The following INTS13 variants were observed in gnomAD, a reference collection of about 807,000 sequenced individuals.
The protein encoded by INTS13 is integrator complex subunit 13, also known as asunder, spermatogenesis regulator homolog (Drosphila).
A neutral mutation model predicts 90.2 loss-of-function variants in INTS13; 35 were observed. That is an observed-to-expected ratio of 0.39 (90% CI 0.30 to 0.51). The LOEUF (loss-of-function observed/expected upper bound fraction) is 0.51. INTS13 is among the 20% of genes least tolerant of loss of function. The pLI is 0.80. For missense variants in INTS13, 601 were observed against 851.2 expected (o/e 0.71, Z 3.66); for synonymous variants, 309 against 277.1 (o/e 1.11, Z -1.14).
At chr12:26,912,880 C>A (rs553189435) in intron 14 of INTS13, among the ~76,000 whole-genome samples, 2 of 152,054 alleles carry the variant, frequency 1.3e-5, no homozygotes, top group East Asian at 1.9e-4. Context: ...GGCATGCACC[C>A]CCATACCCAG....
chr12:26,925,519 T>C (rs941396039), intron 6 of INTS13, among the ~76,000 whole-genome samples: 1 of 152,130 alleles, frequency 6.6e-6, no homozygotes, highest in African/African-American at 2.4e-5. Context: ...TATGTATGGT[T>C]TGTAACACAT....
chr12:26,910,723 T>C (rs1951746143), intron 15 of INTS13, among the ~76,000 whole-genome samples: 1 of 152,192 alleles, frequency 6.6e-6, no homozygotes, highest in Non-Finnish European at 1.5e-5. Flanking sequence ...AAGACTGGAC[T>C]AATACAGGTT....
intron 5 of INTS13, among the ~76,000 whole-genome samples, chr12:26,927,911 C>A (rs79210067): frequency 0.01 from 1,566 of 152,218 alleles, 19 homozygotes; most frequent in African/African-American, 0.036. Context: ...CCACTACACC[C>A]AACACATTTT....
At chr12:26,928,988 A>G (rs1938040876) in intron 3 of INTS13, 83 bp from the exon 4 acceptor site, 8 of 1,219,892 alleles carry the variant, frequency 6.6e-6, no homozygotes, top group Non-Finnish European at 9.3e-6. Flanking sequence ...ACTACACACC[A>G]ATGTATCTTA....
At chr12:26,914,331 T>C in intron 12 of INTS13, 77 bp downstream of exon 12, 6 of 1,393,766 alleles carry the variant, frequency 4.3e-6, no homozygotes, top group Non-Finnish European at 5.8e-6. Flanking sequence ...ATGGTATAAA[T>C]TACAAATTGT....
intron 14 of INTS13, among the ~76,000 whole-genome samples, chr12:26,912,852 T>C (rs1008364597): frequency 3.9e-5 from 6 of 151,930 alleles, no homozygotes; most frequent in Non-Finnish European, 8.8e-5. Context: ...CTCAGCCCCT[T>C]GAGTAGCTGA....
At chr12:26,928,631 T>C in intron 4 of INTS13, 72 bp downstream of exon 4, 1 of 1,450,120 alleles carries the variant, frequency 6.9e-7, no homozygotes, top group Non-Finnish European at 9.6e-7. Flanking sequence ...ATGCTGTCTC[T>C]ACTATTCTGA....
chr12:26,908,569 A>C (rs1298806405), intron 15 of INTS13, among the ~76,000 whole-genome samples: 1 of 151,836 alleles, frequency 6.6e-6, no homozygotes, highest in Non-Finnish European at 1.5e-5. Flanking sequence ...TCATACAAAG[A>C]GAGTTGAATA....
At chr12:26,916,509 C>A (rs1275183541) in intron 10 of INTS13, among the ~76,000 whole-genome samples, 1 of 152,180 alleles carries the variant, frequency 6.6e-6, no homozygotes, top group African/African-American at 2.4e-5. Context: ...AGTGAGACAA[C>A]TGCTCCATAA....
intron 14 of INTS13, 41 bp downstream of exon 14, chr12:26,913,416 A>G (rs1435892585): frequency 6.7e-7 from 1 of 1,482,492 alleles, no homozygotes; most frequent in Non-Finnish European, 9.4e-7. Context: ...ATGTGATATA[A>G]CAAAAGGCAC....
chr12:26,919,031 T>C (rs890373578), intron 8 of INTS13: 7 of 399,592 alleles, frequency 1.8e-5, no homozygotes, highest in Non-Finnish European at 2.6e-5. Flanking sequence ...CCAGGCTTCG[T>C]GGTATGCACC....
intron 10 of INTS13, 68 bp from the exon 11 acceptor site, chr12:26,916,248 TTA>T: frequency 7.5e-7 from 1 of 1,339,850 alleles, no homozygotes; most frequent in Non-Finnish European, 1.0e-6. Context: ...TCCTTGAGAT[TTA>T]TGTCTAGATT....
At chr12:26,920,883 A>G (rs1169795084) in intron 8 of INTS13, among the ~76,000 whole-genome samples, 2 of 152,180 alleles carry the variant, frequency 1.3e-5, no homozygotes, top group African/African-American at 2.4e-5. Context: ...TTCCTCAGAC[A>G]TGTAACAAAT....
chr12:26,915,911 C>T (rs1218376506), intron 11 of INTS13, 91 bp downstream of exon 11: 3 of 915,008 alleles, frequency 3.3e-6, no homozygotes, highest in East Asian at 2.7e-5. Flanking sequence ...TCTTTTTTTC[C>T]ACAGACCTTA....
In INTS13 at chr12:26,934,723, T is replaced by A. The variant is rs145389224; in HGVS notation, c.226-93A>T. The A allele has an allele frequency of 4.4e-6, 4 of 909,552 alleles. No individual in the cohort carries two copies. In the Admixed American group the frequency reaches 7.4e-5, roughly 17 times the overall value. The allele number at this position is 909,552 out of a possible 1,614,324, so 56.3% of individuals were successfully genotyped here. A position where few individuals can be genotyped will look rare whatever the true frequency, so the allele number is the denominator to read the frequency against. On this transcript the variant is annotated intron_variant, in intron 2 of 16. Coordinates refer to ENST00000261191, the MANE Select transcript of INTS13 (RefSeq NM_018164.3). Reference sequence around the variant, plus strand: ...GTAATATGCAATTTGTAACACTGTTTCACTGATTCATTCATTCTTCTTTTT... The same window carrying A: ...GTAATATGCAATTTGTAACACTGTTACACTGATTCATTCATTCTTCTTTTT...
At chr12:26,910,999 C>T (rs1951758012) in intron 15 of INTS13, among the ~76,000 whole-genome samples, 179 bp downstream of exon 15, 1 of 152,122 alleles carries the variant, frequency 6.6e-6, no homozygotes, top group South Asian at 2.1e-4. Context: ...CCATGCCCGC[C>T]TAATTTTGTA....
At chr12:26,912,117 T>A (rs1951793013) in intron 14 of INTS13, among the ~76,000 whole-genome samples, 1 of 152,182 alleles carries the variant, frequency 6.6e-6, no homozygotes, top group African/African-American at 2.4e-5. Context: ...TTGCTACATA[T>A]GTTTGAAATT....
chr12:26,905,557 C>T (rs749895879), intron 16 of INTS13, 21 bp from the exon 17 acceptor site: 18 of 1,604,252 alleles, frequency 1.1e-5, no homozygotes, highest in Admixed American at 3.4e-5. Flanking sequence ...AAGAAAAAAA[C>T]GAGTTGATAA....
Position 26,905,311 on chromosome 12 carries a change from C to G in INTS13, c.*186G>C, listed in dbSNP as rs559940385. On this transcript the variant is annotated 3_prime_UTR_variant, in exon 17 of 17. Coordinates refer to ENST00000261191, the MANE Select transcript of INTS13 (RefSeq NM_018164.3). ...TATAATTTGGGAGGACAAATCATCT[C>G]AAATGTATATTTTTGAATTATGTGC... 512 of 545,986 alleles carry G rather than the reference C, an allele frequency of 9.4e-4. 1 individual carries two copies. The highest frequency in any genetic ancestry group is 1.3e-3 in the Middle Eastern group (3 of 2,338). The allele number at this position is 545,986 out of a possible 1,614,324, so 33.8% of individuals were successfully genotyped here.
Sources: allele counts gnomAD v4.1 joint callset (sites outside exome capture counted in the v4.1 genomes callset), GRCh38; gene constraint gnomAD v4.1.1; transcripts MANE v1.5; gene names NCBI Gene and HGNC (gene_info 2026-07-23, HGNC 2026-07-21).